DACH2: variants seen among roughly 807,000 people sequenced by gnomAD.
DACH2 encodes dachshund family transcription factor 2.
In DACH2, 17 loss-of-function variants were observed where a neutral mutation model predicts 35.8. That is an observed-to-expected ratio of 0.48 (90% confidence interval 0.33 to 0.71). The LOEUF (loss-of-function observed/expected upper bound fraction) is 0.71, where lower values mean the gene tolerates loss of function less well. DACH2 is among the 30% of genes least tolerant of loss of function. The pLI, the probability that DACH2 is intolerant of heterozygous loss-of-function variation, is 0.02. For synonymous variants in DACH2, 195 were observed against 177.3 expected (o/e 1.10, Z -0.79); for missense variants, 469 against 472.7 (o/e 0.99, Z 0.07).
intron 1 of DACH2, among the ~76,000 whole-genome samples, chrX:86,176,535 T>G (rs752343182): frequency 1.8e-5 from 2 of 111,203 alleles, no homozygotes; most frequent in Non-Finnish European, 3.8e-5. Flanking sequence ...TATCTAAAAT[T>G]TTGTACTATA....
chrX:86,181,508 C>T (rs959715949), intron 1 of DACH2, among the ~76,000 whole-genome samples: 2 of 111,244 alleles, frequency 1.8e-5, no homozygotes, highest in African/African-American at 3.3e-5. Context: ...CTGAAAAGGA[C>T]GTGAACTCAT....
chrX:86,313,933 G>A (rs935377496), intron 1 of DACH2, among the ~76,000 whole-genome samples: 2 of 111,736 alleles, frequency 1.8e-5, no homozygotes, highest in African/African-American at 6.5e-5. Context: ...ACTGCAAATG[G>A]TTTCATTATT....
intron 2 of DACH2, among the ~76,000 whole-genome samples, chrX:86,421,357 TAAGTA>T (rs1460763729): frequency 2.7e-5 from 3 of 111,286 alleles, no homozygotes; most frequent in African/African-American, 9.8e-5. Flanking sequence ...TTGGTGGTGT[TAAGTA>T]AAGAGGTAGG....
intron 3 of DACH2, among the ~76,000 whole-genome samples, chrX:86,569,528 C>T (rs1230896424): frequency 9.0e-6 from 1 of 111,324 alleles, no homozygotes; most frequent in Non-Finnish European, 1.9e-5. Flanking sequence ...TACGTTCACC[C>T]ATCTACTGGG....
intron 3 of DACH2, among the ~76,000 whole-genome samples, chrX:86,616,111 T>A (rs1471106582): frequency 1.8e-5 from 2 of 111,865 alleles, no homozygotes; most frequent in Admixed American, 1.9e-4. Context: ...CTCATTCTTG[T>A]TTATAGCTGC....
At chrX:86,260,279 C>T (rs2033601722) in intron 1 of DACH2, among the ~76,000 whole-genome samples, 1 of 110,802 alleles carries the variant, frequency 9.0e-6, no homozygotes, top group African/African-American at 3.3e-5. Flanking sequence ...GAATACTTAA[C>T]TTAGTGCTGG....
chrX:86,583,314 C>T, intron 3 of DACH2, among the ~76,000 whole-genome samples: 1 of 110,362 alleles, frequency 9.1e-6, no homozygotes, highest in South Asian at 3.8e-4. Flanking sequence ...GACAAGGATG[C>T]CAAACCTTAT....
intron 3 of DACH2, among the ~76,000 whole-genome samples, chrX:86,646,586 A>G (rs2040417986): frequency 9.0e-6 from 1 of 110,507 alleles, no homozygotes; most frequent in Admixed American, 9.7e-5. Flanking sequence ...AGCAAACATG[A>G]AGTGGTACTA....
At chrX:86,739,634 A>G (rs2041632711) in intron 6 of DACH2, 113 bp from the exon 7 acceptor site, 3 of 848,755 alleles carry the variant, frequency 3.5e-6, no homozygotes, top group Non-Finnish European at 5.0e-6. Context: ...ATTATTGTAG[A>G]TGTGTACACT....
intron 1 of DACH2, among the ~76,000 whole-genome samples, chrX:86,163,793 A>C (rs1248053826): frequency 9.0e-6 from 1 of 111,523 alleles, no homozygotes; most frequent in Non-Finnish European, 1.9e-5. Context: ...TCCGTGGTGT[A>C]TATGTATCAC....
chrX:86,680,017 C>A (rs2148431707), intron 4 of DACH2, among the ~76,000 whole-genome samples: 1 of 111,268 alleles, frequency 9.0e-6, no homozygotes, highest in African/African-American at 3.3e-5. Flanking sequence ...TGTTTATATT[C>A]TACTCCCTCT....
At chrX:86,223,193 T>C (rs2032752437) in intron 1 of DACH2, among the ~76,000 whole-genome samples, 1 of 112,065 alleles carries the variant, frequency 8.9e-6, no homozygotes, top group East Asian at 2.8e-4. Flanking sequence ...AATACCTCAC[T>C]GCTATTCAAT....
chrX:86,685,638 C>T (rs1048645566), intron 4 of DACH2, among the ~76,000 whole-genome samples: 12 of 111,035 alleles, frequency 1.1e-4, no homozygotes, highest in Admixed American at 6.8e-4. Flanking sequence ...AAGAGGAAAA[C>T]GATAAATGGT....
intron 2 of DACH2, among the ~76,000 whole-genome samples, chrX:86,408,038 G>T (rs1038376528): frequency 9.0e-6 from 1 of 110,673 alleles, no homozygotes; most frequent in Non-Finnish European, 1.9e-5. Context: ...AATGTACAGT[G>T]CCCCTTTCAC....
At chrX:86,762,942 A>G (rs750674336) in intron 7 of DACH2, among the ~76,000 whole-genome samples, 1 of 111,298 alleles carries the variant, frequency 9.0e-6, no homozygotes, top group South Asian at 3.8e-4. Flanking sequence ...CCATCCCCAC[A>G]TCACCCCCAA....
At chrX:86,598,380 T>G (rs1386896461) in intron 3 of DACH2, among the ~76,000 whole-genome samples, 3 of 112,130 alleles carry the variant, frequency 2.7e-5, no homozygotes, top group African/African-American at 9.7e-5. Flanking sequence ...GACTGTCACT[T>G]TCACTGGTAT....
intron 3 of DACH2, among the ~76,000 whole-genome samples, chrX:86,642,172 T>C (rs1602731555): frequency 9.0e-6 from 1 of 111,221 alleles, no homozygotes; most frequent in East Asian, 2.8e-4. Flanking sequence ...GTAAGCTGGA[T>C]AAAAAAGCAA....
intron 1 of DACH2, among the ~76,000 whole-genome samples, chrX:86,342,102 G>A (rs1006989407): frequency 1.3e-4 from 14 of 111,876 alleles, no homozygotes; most frequent in South Asian, 3.7e-4. Context: ...TTTGAAATAA[G>A]TACTACTGTG....
intron 6 of DACH2, among the ~76,000 whole-genome samples, chrX:86,716,598 A>G (rs774368441): frequency 4.5e-5 from 5 of 111,773 alleles, no homozygotes; most frequent in Non-Finnish European, 7.5e-5. Flanking sequence ...GAATGATGGA[A>G]GAGTACTCTT....
Sources: gnomAD v4.1 joint callset for allele counts (sites outside exome capture counted in the v4.1 genomes callset) on GRCh38, gnomAD v4.1.1 for gene constraint, MANE v1.5 for transcripts, NCBI Gene and HGNC (gene_info 2026-07-23, HGNC 2026-07-21) for gene names.